The following TCERG1L variants were observed in gnomAD, a reference collection of about 807,000 sequenced individuals.
TCERG1L encodes the protein transcription elongation regulator 1 like.
In TCERG1L, 37 loss-of-function variants were observed where a neutral mutation model predicts 56.3. The observed-to-expected ratio is 0.66, with a 90% confidence interval of 0.51 to 0.87. TCERG1L has a LOEUF of 0.87. Among genes scored for constraint, TCERG1L ranks in the 40% least tolerant of loss-of-function variants. The pLI, the probability that TCERG1L is intolerant of heterozygous loss-of-function variation, is 0.00. For missense variants in TCERG1L, 799 were observed against 774.2 expected (o/e 1.03, Z -0.38); for synonymous variants, 324 against 326.3 (o/e 0.99, Z 0.08).
At chr10:131,222,077 G>A (rs1254090390) in intron 4 of TCERG1L, among the ~76,000 whole-genome samples, 1 of 152,258 alleles carries the variant, frequency 6.6e-6, no homozygotes, top group Admixed American at 6.5e-5. Context: ...AAACCGGAAA[G>A]AGAACAGCCT....
At chr10:131,238,820 G>A (rs1021201621) in intron 4 of TCERG1L, among the ~76,000 whole-genome samples, 4 of 152,270 alleles carry the variant, frequency 2.6e-5, no homozygotes, top group African/African-American at 9.6e-5. Flanking sequence ...TTGACTCGGC[G>A]CTCAGGCATT....
In TCERG1L at chr10:131,260,448, C is replaced by A; in HGVS notation, c.671-4G>T. 2.1e-6 allele frequency: 3 copies of A among 1,400,286 alleles called. No homozygotes were observed. The highest frequency in any genetic ancestry group is 1.7e-5 in the South Asian group (1 of 59,548). 86.7% of individuals were successfully genotyped at this position (1,400,286 alleles called of 1,614,324 possible). On this transcript the variant is annotated splice_polypyrimidine_tract_variant and splice_region_variant and intron_variant, in intron 3 of 11. Coordinates refer to ENST00000368642, the MANE Select transcript of TCERG1L (RefSeq NM_174937.4). The surrounding 1 kb of genome is among the most constrained non-coding windows in gnomAD (Gnocchi z 5.8). ...TTAAGGCTGTTATGGCAGCCACCTG[C>A]GGAAGAGGGATGCAGAGGGTCAGCA...
chr10:131,262,890 T>G (rs1040015018), intron 3 of TCERG1L, among the ~76,000 whole-genome samples: 4 of 152,172 alleles, frequency 2.6e-5, no homozygotes, highest in African/African-American at 9.7e-5. Flanking sequence ...GTTTTGCCTT[T>G]TCCAGAAGGC....
intron 6 of TCERG1L, among the ~76,000 whole-genome samples, chr10:131,152,587 T>G (rs1008108083): frequency 1.3e-5 from 2 of 152,266 alleles, no homozygotes; most frequent in Admixed American, 6.5e-5. Flanking sequence ...TATCTTTTTC[T>G]GAGCCCTCCA....
At chr10:131,198,198 T>A (rs1393617155) in intron 4 of TCERG1L, among the ~76,000 whole-genome samples, 1 of 152,196 alleles carries the variant, frequency 6.6e-6, no homozygotes, top group Non-Finnish European at 1.5e-5. Context: ...ATGACACAGG[T>A]GTGGTGTGTT....
rs1248065944 is a variant in TCERG1L, at chr10:131,118,863, G to A, written c.1260-1929C>T. ...CACTGGGGATGATTTTGCCCCAGGG[G>A]ACATTTGGTAAGGTCTGGAAACATT... On this transcript the variant is annotated intron_variant, in intron 8 of 11. Coordinates refer to ENST00000368642, the MANE Select transcript of TCERG1L (RefSeq NM_174937.4). This position sits in a 1 kb window ranked among gnomAD's most constrained non-coding sequence, Gnocchi z 4.2. Among the ~76,000 whole-genome samples the A allele has an allele frequency of 1.3e-5, 2 of 152,158 alleles. No individual in the cohort carries two copies. The highest frequency in any genetic ancestry group is 3.9e-4 in the East Asian group (2 of 5,184).
At chr10:131,096,535 T>A (rs540671980) in intron 11 of TCERG1L, among the ~76,000 whole-genome samples, 116 of 152,310 alleles carry the variant, frequency 7.6e-4, no homozygotes, top group Non-Finnish European at 1.1e-3. Context: ...ACCTAATTCT[T>A]GATCAACCAA....
At chr10:131,256,994 A>AAGGAAGGAAGG (rs1554897149) in intron 4 of TCERG1L, among the ~76,000 whole-genome samples, 1 of 69,080 alleles carries the variant, frequency 1.4e-5, no homozygotes, top group Non-Finnish European at 3.2e-5. Flanking sequence ...GGAAGGAAGG[A>AAGGAAGGAAGG]AAGAAAGAAA....
intron 4 of TCERG1L, among the ~76,000 whole-genome samples, chr10:131,177,961 T>C (rs1390563759): frequency 6.6e-6 from 1 of 151,918 alleles, no homozygotes; most frequent in African/African-American, 2.4e-5. Context: ...ACTTTACTTT[T>C]TCTCTAGAAA....
At chr10:131,198,428 G>A (rs907232745) in intron 4 of TCERG1L, among the ~76,000 whole-genome samples, 4 of 152,212 alleles carry the variant, frequency 2.6e-5, no homozygotes, top group South Asian at 2.1e-4. Context: ...TCTGGCCCAC[G>A]CCTTCCTTTT....
At chr10:131,215,247 T>A (rs1845658367) in intron 4 of TCERG1L, among the ~76,000 whole-genome samples, 1 of 152,178 alleles carries the variant, frequency 6.6e-6, no homozygotes, top group Non-Finnish European at 1.5e-5. Flanking sequence ...GTTTCCCATA[T>A]TGAATCCACG....
intron 9 of TCERG1L, 51 bp downstream of exon 9, chr10:131,116,748 G>C (rs1483205944): frequency 6.5e-7 from 1 of 1,540,994 alleles, no homozygotes; most frequent in Non-Finnish European, 8.7e-7. Flanking sequence ...CTCAGCTGCT[G>C]TTCCCCCGGG....
chr10:131,231,207 C>T (rs1012684808), intron 4 of TCERG1L, among the ~76,000 whole-genome samples: 11 of 152,208 alleles, frequency 7.2e-5, no homozygotes, highest in African/African-American at 1.7e-4. Context: ...GACTGCAGCA[C>T]GGCGGACACT....
chr10:131,206,269 G>A (rs1307835349), intron 4 of TCERG1L, among the ~76,000 whole-genome samples: 1 of 152,212 alleles, frequency 6.6e-6, no homozygotes. Context: ...GGACCGGCTG[G>A]CAGCCTGGGA....
rs1441032094 is a variant in TCERG1L, at chr10:131,254,666, T to G, written c.856+5593A>C. On this transcript the variant is annotated intron_variant, in intron 4 of 11. Transcript: ENST00000368642. ...AGGAGGAGGCACCGTGGACTCGGTG[T>G]GGGTTGGGAGGAGGACGGCAGTGCC... Among the ~76,000 whole-genome samples, 58 of 151,662 alleles carry G rather than the reference T, an allele frequency of 3.8e-4. 1 individual carries two copies. Among genetic ancestry groups the G allele is most frequent in the Admixed American group, 3.8e-3 (58 of 15,234 alleles).
intron 7 of TCERG1L, among the ~76,000 whole-genome samples, chr10:131,145,277 C>T (rs1845783466): frequency 6.6e-6 from 1 of 152,166 alleles, no homozygotes; most frequent in Non-Finnish European, 1.5e-5. Flanking sequence ...TGCTTCCTGT[C>T]ATGATTTTAA....
Position 131,311,253 on chromosome 10 carries a change from G to T in TCERG1L, c.342+41C>A. ...GGGCAGGGCGCGCCCAGGAGCAGGG[G>T]AGACGGCGACCCGGGCCGAGGCGGG... On this transcript the variant is annotated intron_variant, in intron 1 of 11. Transcript: ENST00000368642. This position sits in a 1 kb window ranked among gnomAD's most constrained non-coding sequence, Gnocchi z 4.0. 8.4e-7 allele frequency: 1 copy of T among 1,192,210 alleles called. No individual in the cohort carries two copies. Among genetic ancestry groups the T allele is most frequent in the Non-Finnish European group, 1.0e-6 (1 of 961,260 alleles). 73.9% of individuals were successfully genotyped at this position (1,192,210 alleles called of 1,614,324 possible).
At chr10:131,242,215 C>T (rs1479498184) in intron 4 of TCERG1L, among the ~76,000 whole-genome samples, 1 of 152,040 alleles carries the variant, frequency 6.6e-6, no homozygotes, top group African/African-American at 2.4e-5. Flanking sequence ...GCACGAAGTT[C>T]CAGCGTTGCA....
At chr10:131,233,627 A>G (rs1445701927) in intron 4 of TCERG1L, among the ~76,000 whole-genome samples, 2 of 152,218 alleles carry the variant, frequency 1.3e-5, no homozygotes, top group African/African-American at 4.8e-5. Flanking sequence ...TTTATAATCC[A>G]TTTTTAATGC....
Sources: gnomAD v4.1 joint callset for allele counts (sites outside exome capture counted in the v4.1 genomes callset) on GRCh38, gnomAD v4.1.1 for gene constraint, Gnocchi (gnomAD v3.1) non-coding constraint, MANE v1.5 for transcripts, NCBI Gene and HGNC (gene_info 2026-07-23, HGNC 2026-07-21) for gene names.